RMND1: variants seen among roughly 807,000 people sequenced by gnomAD.
The protein encoded by RMND1 is required for meiotic nuclear division protein 1 homolog.
RMND1 carries 41 observed loss-of-function variants against 54.0 expected under a neutral mutation model. The observed-to-expected ratio is 0.76, with a 90% confidence interval of 0.59 to 0.98. RMND1 has a LOEUF of 0.98. RMND1 is among the 50% of genes least tolerant of loss of function. The pLI is 0.00. For missense variants in RMND1, 457 were observed against 532.0 expected (o/e 0.86, Z 1.39); for synonymous variants, 183 against 181.7 (o/e 1.01, Z -0.06).
In RMND1 at chr6:151,409,641, T is replaced by C. The variant is rs551097944; in HGVS notation, c.1201-3805A>G. Reference sequence around the variant, plus strand: ...GGGCTTACATTCTAGTGGAAAATGGTACACACAATTTTTAAAAGGATGCGA... The same window carrying C: ...GGGCTTACATTCTAGTGGAAAATGGCACACACAATTTTTAAAAGGATGCGA... On this transcript the variant is annotated intron_variant, in intron 10 of 11. Transcript: ENST00000444024. Among the ~76,000 whole-genome samples the C allele has an allele frequency of 2.6e-5, 4 of 152,244 alleles. No individual in the cohort carries two copies. In the South Asian group the frequency reaches 6.2e-4, roughly 24 times the overall value.
chr6:151,436,415 C>T, intron 3 of RMND1, 31 bp downstream of exon 3: 1 of 1,612,626 alleles, frequency 6.2e-7, no homozygotes, highest in South Asian at 1.1e-5. Context: ...TACATTTTAA[C>T]ATACTTGGCC....
intron 7 of RMND1, 109 bp from the exon 8 acceptor site, chr6:151,422,714 A>G (rs1239400788): frequency 6.2e-6 from 3 of 480,364 alleles, no homozygotes; most frequent in Non-Finnish European, 1.1e-5. Flanking sequence ...AGTTTAAGAA[A>G]AAGTACTAAA....
At chr6:151,413,853 T>G (rs1224786191) in intron 10 of RMND1, 2 of 152,186 alleles carry the variant, frequency 1.3e-5, no homozygotes, top group Non-Finnish European at 2.9e-5. Flanking sequence ...GCAACATAGC[T>G]TGGTTTTCTT....
In RMND1 at chr6:151,405,098, A is replaced by T; in HGVS notation, c.*137T>A. On this transcript the variant is annotated 3_prime_UTR_variant, in exon 12 of 12. Coordinates refer to ENST00000444024, the MANE Select transcript of RMND1 (RefSeq NM_017909.4). ...TGGCCAGGCTTGTCTTGAGCTCCTG[A>T]TCTCATCTCAAGCCACCCTTCTTGG... The T allele has an allele frequency of 1.5e-6, 1 of 677,584 alleles. No individual in the cohort carries two copies. Among genetic ancestry groups the T allele is most frequent in the Non-Finnish European group, 2.6e-6 (1 of 390,498 alleles). 42.0% of individuals were successfully genotyped at this position (677,584 alleles called of 1,614,324 possible).
chr6:151,409,793 G>A (rs544856381), intron 10 of RMND1, among the ~76,000 whole-genome samples: 33 of 152,234 alleles, frequency 2.2e-4, no homozygotes, highest in African/African-American at 5.8e-4. Context: ...TAGAAGTCAC[G>A]ACAACAAACA....
At position 151,450,072 on chromosome 6, in the gene RMND1, C is replaced by A. The variant is rs185028215; in HGVS notation, c.-15+1944G>T. 7.6e-3 allele frequency among the ~76,000 whole-genome samples: 1,154 copies of A among 152,252 alleles called. 14 individuals carry two copies. The highest frequency in any genetic ancestry group is 0.026 in the African/African-American group (1,087 of 41,562). ...TTGCAGCCTCTGCCTGGCCCCCCAT[C>A]GTCTGGGACGTGAGGAGCCCCTCTG... is the stretch of plus-strand genomic sequence containing the variant. On this transcript the variant is annotated intron_variant, in intron 1 of 11. Transcript: ENST00000444024.
chr6:151,419,231 A>G (rs1278529360), intron 9 of RMND1, among the ~76,000 whole-genome samples: 1 of 151,214 alleles, frequency 6.6e-6, no homozygotes, highest in East Asian at 2.0e-4. Context: ...TTCCTGGCTA[A>G]TTTTTGTATT....
At chr6:151,431,925 ATTTC>A (rs764176820) in intron 4 of RMND1, among the ~76,000 whole-genome samples, 292 of 151,084 alleles carry the variant, frequency 1.9e-3, no homozygotes, top group Middle Eastern at 0.01. Context: ...CTTGCATTAT[ATTTC>A]TTTCTTTCTT....
At chr6:151,431,980 G>A (rs1041744548) in intron 4 of RMND1, among the ~76,000 whole-genome samples, 2 of 149,960 alleles carry the variant, frequency 1.3e-5, no homozygotes, top group Admixed American at 6.7e-5. Context: ...TCTGTCACTA[G>A]GCTGGAGTGC....
intron 1 of RMND1, among the ~76,000 whole-genome samples, chr6:151,450,590 C>T (rs1582976497): frequency 6.8e-6 from 1 of 147,360 alleles, no homozygotes; most frequent in Non-Finnish European, 1.5e-5. Context: ...GGGGGTCAGC[C>T]CCCCGCCCGG....
Position 151,405,269 on chromosome 6 carries a change from TTAGAA to T in RMND1, c.1318-7_1318-3del. The stretch of plus-strand genomic sequence containing the variant: ...TACTCGTCCCAGCTCAAACATTACC[TTAGAA>T]TAGAAAGTGAGAATTATTTCATGAC... On this transcript the variant is annotated splice_polypyrimidine_tract_variant and splice_region_variant and intron_variant, in intron 11 of 11. Transcript: ENST00000444024. 6.2e-7 allele frequency: 1 copy of T among 1,612,244 alleles called. No homozygotes were observed.
At chr6:151,430,603 G>A (rs1200021138) in intron 4 of RMND1, among the ~76,000 whole-genome samples, 1 of 152,154 alleles carries the variant, frequency 6.6e-6, no homozygotes, top group Non-Finnish European at 1.5e-5. Flanking sequence ...ATAAAGAGAT[G>A]GTGGTTAATT....
At chr6:151,449,029 C>G (rs1781045632) in intron 1 of RMND1, among the ~76,000 whole-genome samples, 1 of 125,664 alleles carries the variant, frequency 8.0e-6, no homozygotes, top group Admixed American at 8.9e-5. Context: ...CCACTGCACT[C>G]CAGAATGAGC....
At position 151,404,937 on chromosome 6, in the gene RMND1, T is replaced by C; in HGVS notation, c.*298A>G. 1 of 301,880 alleles carries C rather than the reference T, an allele frequency of 3.3e-6. No individual in the cohort carries two copies. Among genetic ancestry groups the C allele is most frequent in the South Asian group, 4.4e-5 (1 of 22,982 alleles). The allele number at this position is 301,880 out of a possible 1,614,324, so 18.7% of individuals were successfully genotyped here. A position where few individuals can be genotyped will look rare whatever the true frequency, so the allele number is the denominator to read the frequency against. On this transcript the variant is annotated 3_prime_UTR_variant, in exon 12 of 12. Coordinates refer to ENST00000444024, the MANE Select transcript of RMND1 (RefSeq NM_017909.4). The stretch of plus-strand genomic sequence containing the variant: ...TGGCTGGAGTGCAGTGGTGTGATCT[T>C]AGCTCACTGCAACCTCCGCCTCCCA...
At chr6:151,428,803 C>G (rs143596304) in intron 5 of RMND1, among the ~76,000 whole-genome samples, 2 of 151,968 alleles carry the variant, frequency 1.3e-5, no homozygotes, top group Non-Finnish European at 2.9e-5. Flanking sequence ...CAAAGTGATA[C>G]GATTACAGGT....
At chr6:151,447,678 A>G (rs796567135) in intron 1 of RMND1, among the ~76,000 whole-genome samples, 5 of 152,304 alleles carry the variant, frequency 3.3e-5, no homozygotes, top group African/African-American at 9.6e-5. Context: ...TTCTAGTCCA[A>G]TTGGCTACTG....
rs1028373053 is a variant in RMND1 at position 151,417,815 on chromosome 6, T to TA, written c.1080-417_1080-416insT. Among the ~76,000 whole-genome samples the TA allele has an allele frequency of 2.0e-4, 30 of 146,564 alleles. No homozygotes were observed. The East Asian group carries it at 2.5e-3, about 12-fold the overall frequency. Reference sequence around the variant, plus strand: ...AAAAAACTCATTTTGTTTTCAATTTTTTTTTTTTTTTTGAGACAGAGTCAC... The same window carrying TA: ...AAAAAACTCATTTTGTTTTCAATTTTATTTTTTTTTTTTGAGACAGAGTCAC... On this transcript the variant is annotated intron_variant, in intron 9 of 11. Transcript: ENST00000444024.
chr6:151,451,742 C>A (rs1781206954), intron 1 of RMND1, among the ~76,000 whole-genome samples: 1 of 152,152 alleles, frequency 6.6e-6, no homozygotes. Context: ...AGCTAAGTGG[C>A]GCTCATCTTT....
intron 10 of RMND1, among the ~76,000 whole-genome samples, chr6:151,409,320 G>A (rs1016527650): frequency 1.3e-5 from 2 of 152,196 alleles, no homozygotes; most frequent in African/African-American, 2.4e-5. Context: ...ATGATACTTA[G>A]AGGGAACTAA....
Sources: allele counts gnomAD v4.1 joint callset (sites outside exome capture counted in the v4.1 genomes callset), GRCh38; gene constraint gnomAD v4.1.1; transcripts MANE v1.5; gene names NCBI Gene and HGNC (gene_info 2026-07-23, HGNC 2026-07-21).